CORO1A: variants seen among roughly 807,000 people sequenced by gnomAD.
The protein encoded by CORO1A is coronin 1A.
Under a neutral mutation model 44.1 loss-of-function variants are expected in CORO1A, and 17 were observed. That is an observed-to-expected ratio of 0.39 (90% CI 0.26 to 0.58). The LOEUF is 0.58. Ranked by LOEUF, CORO1A falls within the 20% of genes least tolerant of loss-of-function variation. CORO1A has a pLI of 0.62. For missense variants in CORO1A, 415 were observed against 606.5 expected, an observed-to-expected ratio of 0.68 and a Z score of 3.32; for synonymous variants, 271 against 244.2, an observed-to-expected ratio of 1.11 and a Z score of -1.02.
At chr16:30,187,559 T>G (rs1417862663) in intron 6 of CORO1A, 58 bp downstream of exon 6, 17 of 1,566,058 alleles carry the variant, frequency 1.1e-5, no homozygotes, top group African/African-American at 1.3e-5. Flanking sequence ...ACTGGAGGTT[T>G]CGTCCCTGCT....
Position 30,187,042 on chromosome 16 carries a change from G to T in CORO1A, c.455G>T (p.Cys152Phe). The part of the protein sequence containing the change: ...TAQNVLLSAG[C>F]DNVIMVWDVG... ...TGACACTGTGGGGAACGTGCAGGTT[G>T]TGACAACGTGATCATGGTGTGGGAC... The change falls in exon 5 of 11, where the codon TGT (cysteine) becomes TTT (phenylalanine). Residue 152 changes from cysteine (C) to phenylalanine (F), a missense_variant. Physicochemically the swap from Cys to Phe is radical, Grantham distance 205 (BLOSUM62 -2). Coordinates refer to ENST00000219150, the MANE Select transcript of CORO1A (RefSeq NM_007074.4). The T allele has an allele frequency of 6.2e-7, 1 of 1,614,064 alleles. No individual in the cohort carries two copies. Among genetic ancestry groups the T allele is most frequent in the Non-Finnish European group, 8.5e-7 (1 of 1,179,998 alleles).
chr16:30,185,008 G>C, intron 1 of CORO1A: 1 of 644,204 alleles, frequency 1.6e-6, no homozygotes, highest in Non-Finnish European at 2.8e-6. Context: ...GGGCCAGGGA[G>C]AAGGGGGCTT....
intron 6 of CORO1A, 25 bp downstream of exon 6, chr16:30,187,526 G>A: frequency 1.3e-6 from 2 of 1,594,148 alleles, no homozygotes; most frequent in Non-Finnish European, 1.7e-6. Context: ...AGGAAGCCGA[G>A]GGCCCCCAGG....
chr16:30,187,530 C>T, intron 6 of CORO1A, 29 bp downstream of exon 6: 1 of 1,592,182 alleles, frequency 6.3e-7, no homozygotes, highest in South Asian at 1.1e-5. Context: ...AGCCGAGGGC[C>T]CCCAGGCTGG....
chr16:30,187,601 C>G (rs1220285296), intron 6 of CORO1A, 100 bp downstream of exon 6: 2 of 1,516,568 alleles, frequency 1.3e-6, no homozygotes, highest in Admixed American at 3.7e-5. Flanking sequence ...GGCCATGGGC[C>G]TCAGTTTACC....
At position 30,186,923 on chromosome 16, in the gene CORO1A, C is replaced by T; in HGVS notation, c.429C>T (p.Ala143=). ...GCATTGTGGCCTGGCACACCACAGC[C>T]CAGAACGTGCTGCTCAGTGCAGGTG... ...RVGIVAWHTT[A]QNVLLSAGCD... The change falls in exon 4 of 11, where the codon GCC becomes GCT. Residue 143 remains alanine (A), a synonymous_variant. Transcript: ENST00000219150. The T allele has an allele frequency of 2.5e-6, 4 of 1,612,770 alleles. No homozygotes were observed. Among genetic ancestry groups the T allele is most frequent in the Non-Finnish European group, 3.4e-6 (4 of 1,179,992 alleles).
intron 2 of CORO1A, 121 bp from the exon 3 acceptor site, chr16:30,186,477 C>A: frequency 7.9e-7 from 1 of 1,261,008 alleles, no homozygotes; most frequent in Non-Finnish European, 1.1e-6. Context: ...CCACCCCAGG[C>A]CCTGGTCCAG....
rs1196935224 is a variant in CORO1A at position 30,185,243 on chromosome 16, C to T, written c.34C>T (p.Arg12Cys). 1 of 1,614,162 alleles carries T rather than the reference C, an allele frequency of 6.2e-7. No homozygotes were observed. The highest frequency in any genetic ancestry group is 8.5e-7 in the Non-Finnish European group (1 of 1,180,012). The change falls in exon 2 of 11, where the codon CGC becomes TGC. Residue 12 changes from arginine (R) to cysteine (C), a missense_variant. Physicochemically the swap from Arg to Cys is radical, Grantham distance 180 (BLOSUM62 -3). Transcript: ENST00000219150. The part of the protein sequence containing the change: ...SRQVVRSSKF[R>C]HVFGQPAKAD... ...GCAGGTGGTCCGCTCCAGCAAGTTC[C>T]GCCACGTGTTTGGACAGCCGGCCAA...
rs756861029 is a variant in CORO1A at position 30,188,381 on chromosome 16, C to T, written c.1086C>T (p.Asp362=). The T allele has an allele frequency of 1.9e-6, 3 of 1,613,836 alleles. No individual in the cohort carries two copies. Among genetic ancestry groups the T allele is most frequent in the Admixed American group, 1.7e-5 (1 of 60,016 alleles). ...VPRKSDLFQE[D]LYPPTAGPDP... Reference sequence around the variant, plus strand: ...CACAGTCGGACCTGTTCCAGGAGGACCTGTACCCACCCACCGCAGGGCCCG... The same window carrying T: ...CACAGTCGGACCTGTTCCAGGAGGATCTGTACCCACCCACCGCAGGGCCCG... The change falls in exon 10 of 11, where the codon GAC becomes GAT. Residue 362 remains aspartate, a synonymous_variant. Coordinates refer to ENST00000219150, the MANE Select transcript of CORO1A (RefSeq NM_007074.4).
chr16:30,187,862 T>TTGGG, intron 7 of CORO1A, 33 bp downstream of exon 7: 1 of 140,656 alleles, frequency 7.1e-6, no homozygotes, highest in Non-Finnish European at 1.2e-5. Flanking sequence ...GGGTGGGAGG[T>TTGGG]GGGCAGGATG....
chr16:30,188,532 G>A lies in CORO1A; in HGVS notation c.1237G>A (p.Gly413Arg), dbSNP rs751313483. 5.3e-5 allele frequency: 85 copies of A among 1,611,898 alleles called. 1 individual carries two copies. In the Middle Eastern group the frequency reaches 2.6e-3, roughly 49 times the overall value. ...GAGGGTCAACCGGGGCCTGGACACC[G>A]GGCGCAGGAGGGCAGCACCAGAGGC... ...ELRVNRGLDT[G>R]RRRAAPEASG... Residue 413 changes from glycine (G) to arginine (R), a missense_variant, in exon 10 of 11, where the codon GGG becomes AGG. Transcript: ENST00000219150.
chr16:30,187,255 T>C, intron 5 of CORO1A, 32 bp downstream of exon 5: 3 of 1,607,368 alleles, frequency 1.9e-6, no homozygotes, highest in Non-Finnish European at 2.5e-6. Context: ...CCTTTGACCC[T>C]ACAGCCTTTA....
rs606231246 is a variant in CORO1A at position 30,186,646 on chromosome 16, CCT to C, written c.248_249del (p.Pro83ArgfsTer11). 9 of 1,613,104 alleles carry C rather than the reference CCT, an allele frequency of 5.6e-6. No individual in the cohort carries two copies. Among genetic ancestry groups the C allele is most frequent in the South Asian group, 1.1e-5 (1 of 91,030 alleles). ...NAPTVCGHTA[P>X]VLDIAWCPHN... Reference sequence around the variant, plus strand: ...GCCCACGGTCTGTGGCCACACAGCCCCTGTGCTAGACATCGCCTGGTGCCCGC... The same window carrying C: ...GCCCACGGTCTGTGGCCACACAGCCCGTGCTAGACATCGCCTGGTGCCCGC... On this transcript the variant is annotated frameshift_variant, in exon 3 of 11. Transcript: ENST00000219150. LOFTEE classifies it high-confidence loss of function.
chr16:30,187,375 C>T lies in CORO1A; in HGVS notation c.637-7C>T, dbSNP rs2073352880. Reference sequence around the variant, plus strand: ...GTGCCTGACCTACCACCTCCCTTTCCTTGCAGGAGAAGGACCGTCCCCACG... The same window carrying T: ...GTGCCTGACCTACCACCTCCCTTTCTTTGCAGGAGAAGGACCGTCCCCACG... On this transcript the variant is annotated splice_polypyrimidine_tract_variant and splice_region_variant and intron_variant, in intron 5 of 10. Transcript: ENST00000219150. 6 of 1,610,380 alleles carry T rather than the reference C, an allele frequency of 3.7e-6. No homozygotes were observed. The highest frequency in any genetic ancestry group is 5.1e-6 in the Non-Finnish European group (6 of 1,180,006).
chr16:30,187,347 C>T (rs368928546), intron 5 of CORO1A, 35 bp from the exon 6 acceptor site: 54 of 1,608,088 alleles, frequency 3.4e-5, no homozygotes, highest in Admixed American at 5.0e-5. Context: ...AGGGTATGTA[C>T]GGGTGCCTGA....
chr16:30,185,704 A>G, intron 2 of CORO1A: 1 of 481,494 alleles, frequency 2.1e-6, no homozygotes, highest in East Asian at 3.7e-5. Flanking sequence ...CTCCCCATGG[A>G]AACACAGAGG....
At position 30,187,741 on chromosome 16, in the gene CORO1A, C is replaced by T. The variant is rs2151063054; in HGVS notation, c.773C>T (p.Pro258Leu). The T allele has an allele frequency of 3.7e-6, 6 of 1,611,104 alleles. No homozygotes were observed. The highest frequency in any genetic ancestry group is 4.2e-6 in the Non-Finnish European group (5 of 1,178,004). The part of the protein sequence containing the change: ...ALWDTKHLEE[P>L]LSLQELDTSS... ...TGTCTACAGAAGCACCTGGAGGAGC[C>T]GCTGTCCCTGCAGGAGCTGGACACC... Residue 258 changes from proline (P) to leucine (L), a missense_variant, in exon 7 of 11, where the codon CCG becomes CTG. Physicochemically the swap from Pro to Leu is moderately conservative, Grantham distance 98. Transcript: ENST00000219150.
Position 30,187,744 on chromosome 16 carries a change from T to A in CORO1A, c.776T>A (p.Leu259Gln), listed in dbSNP as rs200963965. The change falls in exon 7 of 11, where the codon CTG (leucine) becomes CAG (glutamine). Residue 259 changes from leucine to glutamine, a missense_variant. By Grantham distance (113) the Leu-to-Gln change is moderately radical (BLOSUM62 -2). This residue lies in a region of CORO1A where 325 missense variants were observed against 521.7 expected (regional missense o/e 0.62). Transcript: ENST00000219150. ...LWDTKHLEEP[L>Q]SLQELDTSSG... Reference sequence around the variant, plus strand: ...CTACAGAAGCACCTGGAGGAGCCGCTGTCCCTGCAGGAGCTGGACACCAGC... The same window carrying A: ...CTACAGAAGCACCTGGAGGAGCCGCAGTCCCTGCAGGAGCTGGACACCAGC... 1.9e-6 allele frequency: 3 copies of A among 1,612,172 alleles called. No homozygotes were observed. The African/African-American group carries it at 4.0e-5, about 22-fold the overall frequency.
chr16:30,186,459 C>A, intron 2 of CORO1A, 139 bp from the exon 3 acceptor site: 1 of 1,036,742 alleles, frequency 9.6e-7, no homozygotes, highest in Non-Finnish European at 1.5e-6. Flanking sequence ...AACAACCCGC[C>A]CCCGTCCCCA....
Sources: gnomAD v4.1 joint callset for allele counts on GRCh38, gnomAD v4.1.1 for gene constraint, gnomAD v4.1.1 regional missense constraint, MANE v1.5 for transcripts, NCBI Gene and HGNC (gene_info 2026-07-23, HGNC 2026-07-21) for gene names.